The following MMP11 variants were observed in gnomAD, a reference collection of about 807,000 sequenced individuals.
MMP11 encodes matrix metallopeptidase 11, also known as stromelysin-3.
MMP11 carries 26 observed loss-of-function variants against 49.5 expected under a neutral mutation model. The ratio of observed to expected loss-of-function variants is 0.52; its 90% CI spans 0.38 to 0.73. The LOEUF (loss-of-function observed/expected upper bound fraction) is 0.73. MMP11 is among the 30% of genes least tolerant of loss of function. The probability of loss-of-function intolerance (pLI) is 0.00; values close to 1 mark genes in which losing one functional copy is unlikely to be tolerated. For missense variants in MMP11, 624 were observed against 671.2 expected, an observed-to-expected ratio of 0.93 and a Z score of 0.78; for synonymous variants, 265 against 282.3, an observed-to-expected ratio of 0.94 and a Z score of 0.62.
chr22:23,775,857 G>C (rs571424564), intron 1 of MMP11, among the ~76,000 whole-genome samples: 2 of 152,356 alleles, frequency 1.3e-5, no homozygotes, highest in Non-Finnish European at 2.9e-5. Flanking sequence ...ACAGGGACAA[G>C]GAACAGGGCC....
chr22:23,779,052 G>C (rs1927513669), intron 1 of MMP11, 135 bp from the exon 2 acceptor site: 9 of 685,416 alleles, frequency 1.3e-5, no homozygotes, highest in Admixed American at 2.8e-5. Context: ...ATGTGCCGGT[G>C]CCCTTTCCCT....
chr22:23,780,829 G>A lies in MMP11; in HGVS notation c.617-30G>A, dbSNP rs376606684. 84 of 1,600,462 alleles carry A rather than the reference G, an allele frequency of 5.2e-5. No individual in the cohort carries two copies. The highest frequency in any genetic ancestry group is 6.4e-5 in the Non-Finnish European group (75 of 1,172,854). ...GCTGGATGTCCTGGGCAGGAGGTTC[G>A]GGGGTTGCTGAGCCACCTCCCTTTT... On this transcript the variant is annotated intron_variant, in intron 4 of 7. Transcript: ENST00000215743. The surrounding 1 kb of genome is among the most constrained non-coding windows in gnomAD (Gnocchi z 4.6).
At chr22:23,773,036 TG>T in intron 1 of MMP11, 58 bp downstream of exon 1, 1 of 1,143,044 alleles carries the variant, frequency 8.7e-7, no homozygotes, top group Non-Finnish European at 1.1e-6. Context: ...GCACGCGGGC[TG>T]GGCCCAGCGG....
At chr22:23,782,671 C>A in intron 7 of MMP11, 188 bp downstream of exon 7, 1 of 724,608 alleles carries the variant, frequency 1.4e-6, no homozygotes, top group Non-Finnish European at 2.2e-6. Context: ...GATGAGGAAA[C>A]TGAGGGTCAG....
chr22:23,778,826 T>C (rs897934316), intron 1 of MMP11, among the ~76,000 whole-genome samples: 1 of 152,178 alleles, frequency 6.6e-6, no homozygotes. Flanking sequence ...GGAGGTTGCC[T>C]GGTGTTCCTT....
intron 1 of MMP11, among the ~76,000 whole-genome samples, chr22:23,776,151 G>C (rs1288883513): frequency 6.6e-6 from 1 of 152,210 alleles, no homozygotes; most frequent in East Asian, 1.9e-4. Flanking sequence ...GTGGGGGCAT[G>C]CCCGTGGCTC....
At chr22:23,779,688 CAG>C in intron 2 of MMP11, 1 of 528,996 alleles carries the variant, frequency 1.9e-6, no homozygotes, top group South Asian at 2.6e-5. Context: ...GACGGGTGTT[CAG>C]TCACTCAGGC....
At position 23,779,358 on chromosome 22, in the gene MMP11, C is replaced by T. The variant is rs761999741; in HGVS notation, c.280C>T (p.Arg94Ter). Residue 94 changes from arginine (R) to a stop codon, truncating the protein, a stop_gained, in exon 2 of 8, where the codon CGA becomes TGA. Transcript: ENST00000215743. LOFTEE classifies it high-confidence loss of function. The part of the protein sequence containing the change: ...DPSDGLSARN[R>*]QKRFVLSGGR... ...ATCTGATGGGCTGAGTGCCCGCAAC[C>T]GACAGAAGAGGTTCGTGCTTTCTGG... 28 of 1,613,158 alleles carry T rather than the reference C, an allele frequency of 1.7e-5. No homozygotes were observed. Among genetic ancestry groups the T allele is most frequent in the Admixed American group, 5.0e-5 (3 of 60,004 alleles).
chr22:23,782,191 C>T (rs1008694042), intron 6 of MMP11, 35 bp from the exon 7 acceptor site: 2 of 1,590,294 alleles, frequency 1.3e-6, no homozygotes, highest in Middle Eastern at 1.7e-4. Context: ...GCAGTGGTGG[C>T]TGGGCAGGTC....
Position 23,775,514 on chromosome 22 carries a change from G to A in MMP11, c.108+2536G>A, listed in dbSNP as rs140593712. ...GAATGTGTGTCCTATCCCAGCCATG[G>A]GGAAACTGAGGCCAAGAGCTCATGG... On this transcript the variant is annotated intron_variant, in intron 1 of 7. Transcript: ENST00000215743. Among the ~76,000 whole-genome samples, 640 of 152,334 alleles carry A rather than the reference G, an allele frequency of 4.2e-3. 2 individuals carry two copies. The highest frequency in any genetic ancestry group is 7.3e-3 in the Admixed American group (112 of 15,286).
intron 1 of MMP11, among the ~76,000 whole-genome samples, chr22:23,773,826 G>A (rs965475387): frequency 2.6e-5 from 4 of 152,230 alleles, no homozygotes; most frequent in Non-Finnish European, 4.4e-5. Context: ...AGACAGCTCG[G>A]GCAGGGAAGG....
chr22:23,780,404 GACGA>G lies in MMP11; in HGVS notation c.385_388del (p.Thr129TrpfsTer5). On this transcript the variant is annotated frameshift_variant, in exon 3 of 8. Transcript: ENST00000215743. LOFTEE classifies it high-confidence loss of function. This position sits in a 1 kb window ranked among gnomAD's most constrained non-coding sequence, Gnocchi z 4.6. ...AGTTGGTGCAGGAGCAGGTGCGGCA[GACGA>G]TGGCAGAGGCCCTAAAGGTATGGAG... 5.6e-6 allele frequency: 9 copies of G among 1,613,726 alleles called. No individual in the cohort carries two copies. The highest frequency in any genetic ancestry group is 6.8e-6 in the Non-Finnish European group (8 of 1,180,018).
At position 23,773,081 on chromosome 22, in the gene MMP11, C is replaced by T. The variant is rs556762966; in HGVS notation, c.108+103C>T. ...GACCGAAGGGGGCGCCCCGGGTGGCCTCCAGCGCCCGGTACCCGAAACGCT... is the reference window on the plus strand; with the variant it reads ...GACCGAAGGGGGCGCCCCGGGTGGCTTCCAGCGCCCGGTACCCGAAACGCT... On this transcript the variant is annotated intron_variant, in intron 1 of 7. Coordinates refer to ENST00000215743, the MANE Select transcript of MMP11 (RefSeq NM_005940.5). 4 of 1,059,942 alleles carry T rather than the reference C, an allele frequency of 3.8e-6. No individual in the cohort carries two copies. The East Asian group carries it at 2.1e-4, about 55-fold the overall frequency. 65.7% of individuals were successfully genotyped at this position (1,059,942 alleles called of 1,614,324 possible). A position where few individuals can be genotyped will look rare whatever the true frequency, so the allele number is the denominator to read the frequency against.
At chr22:23,783,329 T>A in intron 7 of MMP11, 82 bp from the exon 8 acceptor site, 1 of 1,566,534 alleles carries the variant, frequency 6.4e-7, no homozygotes, top group East Asian at 2.3e-5. Context: ...CCTCCCTTAG[T>A]GCCCATCCCT....
rs574986603 is a variant in MMP11, at chr22:23,778,939, T to C, written c.109-248T>C. Among the ~76,000 whole-genome samples, 14 of 152,094 alleles carry C rather than the reference T, an allele frequency of 9.2e-5. No homozygotes were observed. The East Asian group carries it at 2.7e-3, about 29-fold the overall frequency. Reference sequence around the variant, plus strand: ...CATTGGCCTAAGTAGCTGGAGTAGGTGACAGGCAGCCCAGGGCCCTCCACG... The same window carrying C: ...CATTGGCCTAAGTAGCTGGAGTAGGCGACAGGCAGCCCAGGGCCCTCCACG... On this transcript the variant is annotated intron_variant, in intron 1 of 7. Transcript: ENST00000215743.
At chr22:23,777,410 C>CA (rs1386676611) in intron 1 of MMP11, among the ~76,000 whole-genome samples, 3 of 151,672 alleles carry the variant, frequency 2.0e-5, no homozygotes, top group African/African-American at 7.3e-5. Context: ...ACTAAAAATA[C>CA]AAAAAAATTA....
chr22:23,780,914 G>A lies in MMP11; in HGVS notation c.672G>A (p.Gln224=), dbSNP rs984386849. The stretch of plus-strand genomic sequence containing the variant: ...AATTTGGCCACGTGCTGGGGCTGCA[G>A]CACACAACAGCAGCCAAGGCCCTGA... ...AHEFGHVLGL[Q]HTTAAKALMS... The change falls in exon 5 of 8, where the codon CAG becomes CAA. Residue 224 remains glutamine (Q), a synonymous_variant. Coordinates refer to ENST00000215743, the MANE Select transcript of MMP11 (RefSeq NM_005940.5). The surrounding 1 kb of genome is among the most constrained non-coding windows in gnomAD (Gnocchi z 4.6). The A allele has an allele frequency of 6.2e-7, 1 of 1,613,814 alleles. No homozygotes were observed. Among genetic ancestry groups the A allele is most frequent in the Admixed American group, 1.7e-5 (1 of 60,004 alleles).
At chr22:23,778,022 G>T (rs1315188547) in intron 1 of MMP11, among the ~76,000 whole-genome samples, 1 of 152,234 alleles carries the variant, frequency 6.6e-6, no homozygotes, top group Non-Finnish European at 1.5e-5. Context: ...GGCTGAGGGT[G>T]AGGTGGGGCC....
chr22:23,779,257 C>G lies in MMP11; in HGVS notation c.179C>G (p.Ala60Gly), dbSNP rs1396257868. The G allele has an allele frequency of 6.2e-7, 1 of 1,609,300 alleles. No homozygotes were observed. The highest frequency in any genetic ancestry group is 1.7e-5 in the Admixed American group (1 of 59,608). The change falls in exon 2 of 8, where the codon GCA becomes GGA. Residue 60 changes from alanine to glycine, a missense_variant. By Grantham distance (60) the Ala-to-Gly change is moderately conservative. Coordinates refer to ENST00000215743, the MANE Select transcript of MMP11 (RefSeq NM_005940.5). ...CATGCAGCCCTGCCCAGTAGCCCGG[C>G]ACCTGCCCCTGCCACGCAGGAAGCC... is the stretch of plus-strand genomic sequence containing the variant. ...PWHAALPSSP[A>G]PAPATQEAPR...
Sources: allele counts gnomAD v4.1 joint callset (sites outside exome capture counted in the v4.1 genomes callset), GRCh38; gene constraint gnomAD v4.1.1; non-coding constraint Gnocchi (gnomAD v3.1); transcripts MANE v1.5; gene names NCBI Gene and HGNC (gene_info 2026-07-23, HGNC 2026-07-21).